Variants in ZNG1E observed in about 807,000 individuals in gnomAD.
ZNG1E encodes zinc-regulated GTPase metalloprotein activator 1E.
chr9:65,714,303 G>A, the ZNG1E span, among the ~76,000 whole-genome samples: 193 of 151,110 alleles, frequency 1.3e-3, no homozygotes, highest in East Asian at 0.02. Context: ...TGGTTTGAAT[G>A]TCCTCCCGTA....
chr9:65,703,815 G>A, the ZNG1E span: 3 of 970,988 alleles, frequency 3.1e-6, no homozygotes, highest in East Asian at 2.3e-4. Context: ...GTGTTAGGCA[G>A]TAACAGCAGC....
chr9:65,714,719 G>A, the ZNG1E span, among the ~76,000 whole-genome samples: 2 of 151,338 alleles, frequency 1.3e-5, no homozygotes, highest in African/African-American at 4.9e-5. Context: ...AGGGGGTCAG[G>A]GGTCAGGGAC....
At chr9:65,714,530 C>T in the ZNG1E span, among the ~76,000 whole-genome samples, 1 of 151,708 alleles carries the variant, frequency 6.6e-6, no homozygotes, top group Non-Finnish European at 1.5e-5. Flanking sequence ...TACTTTTGGT[C>T]TTTGATGATG....
At chr9:65,684,546 G>A in the ZNG1E span, among the ~76,000 whole-genome samples, 25 of 139,558 alleles carry the variant, frequency 1.8e-4, no homozygotes, top group African/African-American at 2.0e-4. Flanking sequence ...ACACACACAC[G>A]CACGCACACA....
chr9:65,732,993 G>T, the ZNG1E span: 1 of 1,609,560 alleles, frequency 6.2e-7, no homozygotes, highest in Non-Finnish European at 8.5e-7. Context: ...CTTTGAGCAG[G>T]GATTGGTGTC....
the ZNG1E span, among the ~76,000 whole-genome samples, chr9:65,714,448 G>A: frequency 7.1e-6 from 1 of 139,960 alleles, no homozygotes; most frequent in Non-Finnish European, 1.5e-5. Context: ...CTTTGGAGGA[G>A]GAGAGGCGCT....
the ZNG1E span, among the ~76,000 whole-genome samples, chr9:65,658,708 G>A: frequency 1.4e-5 from 2 of 147,050 alleles, no homozygotes; most frequent in East Asian, 2.0e-4. Flanking sequence ...GGCTTGAACA[G>A]CAGAAATTTG....
chr9:65,677,972 C>A, the ZNG1E span, among the ~76,000 whole-genome samples: 1 of 149,802 alleles, frequency 6.7e-6, no homozygotes, highest in South Asian at 2.1e-4. Context: ...TCCATTCCCC[C>A]CTTCCCTTAA....
At chr9:65,678,578 T>G in the ZNG1E span, among the ~76,000 whole-genome samples, 2 of 147,216 alleles carry the variant, frequency 1.4e-5, no homozygotes, top group African/African-American at 5.3e-5. Flanking sequence ...GTCATACAGT[T>G]GAACTACAAT....
chr9:65,658,433 T>G, the ZNG1E span, among the ~76,000 whole-genome samples: 4 of 151,302 alleles, frequency 2.6e-5, no homozygotes, highest in East Asian at 7.7e-4. Flanking sequence ...AGAAAAAAAT[T>G]AAAGGACTAA....
chr9:65,664,354 G>C, the ZNG1E span, among the ~76,000 whole-genome samples: 970 of 144,822 alleles, frequency 6.7e-3, no homozygotes, highest in African/African-American at 0.025. Flanking sequence ...TGAATTATGG[G>C]GGCAGGTCTT....
At chr9:65,698,974 C>T in the ZNG1E span, among the ~76,000 whole-genome samples, 1 of 145,248 alleles carries the variant, frequency 6.9e-6, no homozygotes, top group South Asian at 2.1e-4. Flanking sequence ...GCAACCTCTG[C>T]CTCCCAGGTT....
chr9:65,677,007 TA>T, the ZNG1E span: 1 of 494,566 alleles, frequency 2.0e-6, no homozygotes, highest in Non-Finnish European at 3.2e-6. Context: ...CGTGACCTTT[TA>T]TGTAAAAATA....
At chr9:65,684,002 C>A in the ZNG1E span, among the ~76,000 whole-genome samples, 1 of 152,278 alleles carries the variant, frequency 6.6e-6, no homozygotes. Flanking sequence ...AAACTTGACA[C>A]TTTTGAGAGT....
the ZNG1E span, among the ~76,000 whole-genome samples, chr9:65,684,833 G>T: frequency 6.6e-6 from 1 of 152,194 alleles, no homozygotes; most frequent in Non-Finnish European, 1.5e-5. Context: ...TATCACTGCA[G>T]TAAACTGAAT....
chr9:65,658,262 T>C, the ZNG1E span, among the ~76,000 whole-genome samples: 1 of 152,136 alleles, frequency 6.6e-6, no homozygotes, highest in Admixed American at 6.6e-5. Context: ...TCTTATGCTA[T>C]TTCAGAAAGG....
At chr9:65,675,042 C>G in the ZNG1E span, among the ~76,000 whole-genome samples, 3 of 147,126 alleles carry the variant, frequency 2.0e-5, no homozygotes, top group Non-Finnish European at 4.5e-5. Context: ...CAAAATTAAA[C>G]AACATATTCT....
At chr9:65,675,002 A>G in the ZNG1E span, among the ~76,000 whole-genome samples, 96 of 147,932 alleles carry the variant, frequency 6.5e-4, no homozygotes, top group African/African-American at 2.3e-3. Flanking sequence ...TATATATTAT[A>G]TGGATAATTT....
chr9:65,666,982 G>A, the ZNG1E span, among the ~76,000 whole-genome samples: 10,349 of 146,566 alleles, frequency 0.071, 7 homozygotes, highest in African/African-American at 0.1. Flanking sequence ...TATCACACTC[G>A]GCAGATTTTT....
Sources: gnomAD v4.1 joint callset for allele counts (sites outside exome capture counted in the v4.1 genomes callset) on GRCh38, gnomAD v4.1.1 for gene constraint, MANE v1.5 for transcripts, NCBI Gene and HGNC (gene_info 2026-07-23, HGNC 2026-07-21) for gene names.